Variants in ROBO2 observed in about 807,000 individuals in gnomAD.
ROBO2 encodes the protein roundabout homolog 2.
In ROBO2, 53 loss-of-function variants were observed where a neutral mutation model predicts 160.8. The ratio of observed to expected loss-of-function variants is 0.33; its 90% CI spans 0.26 to 0.41. The LOEUF (loss-of-function observed/expected upper bound fraction) is 0.41, where lower values mean the gene tolerates loss of function less well. ROBO2 is among the 10% of genes least tolerant of loss of function. The probability of loss-of-function intolerance (pLI) is 1.00; values close to 1 mark genes in which losing one functional copy is unlikely to be tolerated. For synonymous variants in ROBO2, 664 were observed against 611.7 expected, an observed-to-expected ratio of 1.09 and a Z score of -1.26; for missense variants, 1,577 against 1,722.4, an observed-to-expected ratio of 0.92 and a Z score of 1.49.
intron 2 of ROBO2, among the ~76,000 whole-genome samples, chr3:76,975,052 C>G (rs939942125): frequency 2.0e-5 from 3 of 152,124 alleles, no homozygotes; most frequent in African/African-American, 7.2e-5. Context: ...GAATTTGTAT[C>G]TTATGTTACA....
intron 2 of ROBO2, among the ~76,000 whole-genome samples, chr3:76,752,216 C>A (rs1408077384): frequency 6.6e-6 from 1 of 151,464 alleles, no homozygotes; most frequent in African/African-American, 2.4e-5. Context: ...CATGTTCTCA[C>A]TCATAGGTGG....
chr3:76,870,560 A>G (rs182173716), intron 2 of ROBO2, among the ~76,000 whole-genome samples: 1 of 152,194 alleles, frequency 6.6e-6, no homozygotes, highest in Admixed American at 6.5e-5. Context: ...GCTAAACTAC[A>G]GTTTCTCACT....
chr3:76,086,648 G>A (rs988978007), intron 2 of ROBO2, among the ~76,000 whole-genome samples: 3 of 151,944 alleles, frequency 2.0e-5, no homozygotes, highest in Non-Finnish European at 4.4e-5. Context: ...AAAATATTAC[G>A]AGGCATACTA....
chr3:76,482,813 T>C (rs2079283311), intron 2 of ROBO2, among the ~76,000 whole-genome samples: 1 of 152,298 alleles, frequency 6.6e-6, no homozygotes, highest in South Asian at 2.1e-4. Flanking sequence ...TTGGGTATTA[T>C]GGTCACTTTA....
intron 2 of ROBO2, among the ~76,000 whole-genome samples, chr3:77,184,871 G>A (rs977773529): frequency 6.6e-6 from 1 of 151,952 alleles, no homozygotes; most frequent in Non-Finnish European, 1.5e-5. Context: ...CCTATAATTG[G>A]ACAAGTAAGA....
chr3:76,183,513 CT>C (rs1329577362), intron 2 of ROBO2, among the ~76,000 whole-genome samples: 1 of 151,996 alleles, frequency 6.6e-6, no homozygotes, highest in Non-Finnish European at 1.5e-5. Flanking sequence ...AAAAATTCAC[CT>C]TCCTTATCAT....
chr3:76,609,045 G>A (rs1040320022), intron 2 of ROBO2, among the ~76,000 whole-genome samples: 4 of 152,228 alleles, frequency 2.6e-5, no homozygotes, highest in Non-Finnish European at 5.9e-5. Context: ...TTAGCTATCC[G>A]TAATGCTACT....
chr3:76,678,383 T>A (rs1042880392), intron 2 of ROBO2, among the ~76,000 whole-genome samples: 1 of 152,104 alleles, frequency 6.6e-6, no homozygotes, highest in African/African-American at 2.4e-5. Flanking sequence ...GAACTTGGTG[T>A]TAATGGATTG....
chr3:76,623,906 G>A (rs2089419349), intron 2 of ROBO2, among the ~76,000 whole-genome samples: 1 of 152,000 alleles, frequency 6.6e-6, no homozygotes, highest in African/African-American at 2.4e-5. Context: ...ATGATAATGA[G>A]GCCTCTGACA....
At chr3:77,488,744 T>C (rs555602201) in intron 4 of ROBO2, among the ~76,000 whole-genome samples, 34 of 152,314 alleles carry the variant, frequency 2.2e-4, no homozygotes, top group Non-Finnish European at 4.0e-4. Context: ...TGAAAGGGGC[T>C]TGGCTTTGTG....
chr3:76,405,696 C>T (rs994382368), intron 2 of ROBO2, among the ~76,000 whole-genome samples: 5 of 151,622 alleles, frequency 3.3e-5, no homozygotes, highest in Admixed American at 6.6e-5. Context: ...ACATGTTCAT[C>T]TTCTACTTGT....
At chr3:77,302,801 C>G (rs1342849016) in intron 2 of ROBO2, among the ~76,000 whole-genome samples, 1 of 152,070 alleles carries the variant, frequency 6.6e-6, no homozygotes, top group East Asian at 1.9e-4. Flanking sequence ...TGGCTATGAC[C>G]TTTTTATTGA....
Position 76,018,606 on chromosome 3 carries a change from CA to C in ROBO2, c.109+81012del, listed in dbSNP as rs542825938. On this transcript the variant is annotated intron_variant, in intron 2 of 26. Coordinates refer to the ROBO2 transcript ENST00000487694. ...CCTATTTCCAAATCTACAAATTTTT[CA>C]AAAAAAATTGTTTTTTTCTGACTTC... is the stretch of plus-strand genomic sequence containing the variant. Among the ~76,000 whole-genome samples, 4 of 151,148 alleles carry C rather than the reference CA, an allele frequency of 2.6e-5. 1 individual carries two copies. Among genetic ancestry groups the C allele is most frequent in the Admixed American group, 1.3e-4 (2 of 15,130 alleles).
intron 2 of ROBO2, among the ~76,000 whole-genome samples, chr3:76,983,499 T>C (rs543193494): frequency 3.9e-5 from 6 of 152,182 alleles, no homozygotes; most frequent in Non-Finnish European, 8.8e-5. Flanking sequence ...AATTAATCCA[T>C]CTATTTAGTT....
rs183041378 is a variant in ROBO2, at chr3:76,216,817, A to G, written c.109+279215A>G. 1.0e-2 allele frequency among the ~76,000 whole-genome samples: 1,517 copies of G among 152,332 alleles called. 5 individuals are homozygous for G. The highest frequency in any genetic ancestry group is 0.017 in the Non-Finnish European group (1,165 of 68,034). On this transcript the variant is annotated intron_variant, in intron 2 of 26. Coordinates refer to the ROBO2 transcript ENST00000487694. Reference sequence around the variant, plus strand: ...GCTCTGCACCAAGCGGACCTAATAGACATCTACAGAACTCTCCACCCAAAA... The same window carrying G: ...GCTCTGCACCAAGCGGACCTAATAGGCATCTACAGAACTCTCCACCCAAAA...
intron 2 of ROBO2, among the ~76,000 whole-genome samples, chr3:76,526,955 A>G (rs1474566967): frequency 6.6e-6 from 1 of 152,128 alleles, no homozygotes; most frequent in Non-Finnish European, 1.5e-5. Flanking sequence ...GTAAATTAAA[A>G]TTTAGAAGCC....
At chr3:77,143,174 C>CTTTT (rs10546673) in intron 2 of ROBO2, among the ~76,000 whole-genome samples, 35 of 59,712 alleles carry the variant, frequency 5.9e-4, no homozygotes, top group African/African-American at 1.9e-3. Flanking sequence ...TAAACAGCAG[C>CTTTT]TTTTTTTTTT....
chr3:77,015,724 TG>T (rs2062197559), intron 2 of ROBO2, among the ~76,000 whole-genome samples: 1 of 152,212 alleles, frequency 6.6e-6, no homozygotes, highest in South Asian at 2.1e-4. Flanking sequence ...CTATTCAAGC[TG>T]GTCCTATTGC....
intron 2 of ROBO2, among the ~76,000 whole-genome samples, chr3:77,338,742 T>G (rs573544928): frequency 6.6e-6 from 1 of 152,308 alleles, no homozygotes; most frequent in African/African-American, 2.4e-5. Context: ...TATTTAGGTA[T>G]AGGTCAAGAA....
Sources: allele counts gnomAD v4.1 joint callset (sites outside exome capture counted in the v4.1 genomes callset), GRCh38; gene constraint gnomAD v4.1.1; transcripts MANE v1.5; gene names NCBI Gene and HGNC (gene_info 2026-07-23, HGNC 2026-07-21).